ALK: variants seen among roughly 807,000 people sequenced by gnomAD.
ALK encodes the protein ALK tyrosine kinase receptor.
In ALK, 74 loss-of-function variants were observed where a neutral mutation model predicts 163.1. The observed-to-expected ratio is 0.45, with a 90% CI of 0.38 to 0.55. The LOEUF is 0.55. ALK is among the 20% of genes least tolerant of loss of function. The pLI is 0.00. For missense variants in ALK, 2,063 were observed against 2,105.3 expected (o/e 0.98, Z 0.39); for synonymous variants, 960 against 843.2 (o/e 1.14, Z -2.40).
intron 4 of ALK, among the ~76,000 whole-genome samples, chr2:29,470,244 G>A (rs76025233): frequency 1.3e-3 from 196 of 152,216 alleles, no homozygotes; most frequent in African/African-American, 4.5e-3. Context: ...CAAGAGACAC[G>A]TGAGTCACAA....
chr2:29,251,039 A>AG, intron 12 of ALK, 66 bp downstream of exon 12: 1 of 1,549,984 alleles, frequency 6.5e-7, no homozygotes, highest in Non-Finnish European at 8.8e-7. Flanking sequence ...ATGCACCCAT[A>AG]GGCAAGACTC....
At chr2:29,833,259 A>G (rs1004675791) in intron 1 of ALK, among the ~76,000 whole-genome samples, 2 of 152,102 alleles carry the variant, frequency 1.3e-5, no homozygotes, top group Admixed American at 6.6e-5. Context: ...CTGTGTCTCT[A>G]TTTTCCTCCA....
intron 8 of ALK, 50 bp from the exon 9 acceptor site, chr2:29,297,107 C>T (rs1237551520): frequency 6.2e-7 from 1 of 1,608,582 alleles, no homozygotes; most frequent in African/African-American, 1.3e-5. Flanking sequence ...CTGAAAGGTC[C>T]CCTTTCTGGA....
At chr2:29,203,512 T>TTTTTTTTTTTG (rs869138004) in intron 26 of ALK, among the ~76,000 whole-genome samples, 2 of 127,626 alleles carry the variant, frequency 1.6e-5, no homozygotes, top group Admixed American at 8.1e-5. Flanking sequence ...TTTTTTTTTT[T>TTTTTTTTTTTG]GTGAGACAGA....
intron 1 of ALK, among the ~76,000 whole-genome samples, chr2:29,774,808 A>G (rs188575001): frequency 1.7e-3 from 264 of 152,344 alleles, no homozygotes; most frequent in African/African-American, 6.2e-3. Flanking sequence ...TTGAGTACAT[A>G]TGACTTCTTT....
intron 9 of ALK, among the ~76,000 whole-genome samples, chr2:29,281,876 C>T (rs901330498): frequency 6.6e-6 from 1 of 152,236 alleles, no homozygotes; most frequent in Non-Finnish European, 1.5e-5. Context: ...ATTCAGGCAA[C>T]AGACTGTTAA....
chr2:29,553,877 T>G (rs994796282), intron 3 of ALK, among the ~76,000 whole-genome samples: 14 of 152,238 alleles, frequency 9.2e-5, no homozygotes, highest in African/African-American at 3.4e-4. Context: ...CTGTTTTTTT[T>G]GTTCAGTTAT....
At chr2:29,478,662 T>C (rs1011090361) in intron 4 of ALK, among the ~76,000 whole-genome samples, 5 of 152,232 alleles carry the variant, frequency 3.3e-5, no homozygotes, top group African/African-American at 1.2e-4. Flanking sequence ...GATTGAGGAT[T>C]GATGCCGATC....
chr2:29,216,930 G>GTGTGTGT (rs1553393091), intron 23 of ALK, among the ~76,000 whole-genome samples: 6 of 131,470 alleles, frequency 4.6e-5, no homozygotes, highest in Admixed American at 8.6e-5. Flanking sequence ...TATGGTGTGT[G>GTGTGTGT]GGGGGTGTGT....
intron 3 of ALK, among the ~76,000 whole-genome samples, chr2:29,592,700 A>G (rs1675095832): frequency 6.6e-6 from 1 of 152,204 alleles, no homozygotes; most frequent in Non-Finnish European, 1.5e-5. Context: ...AACCGCTGGT[A>G]CCTGCAAGGG....
At chr2:29,628,483 C>T (rs975722310) in intron 3 of ALK, among the ~76,000 whole-genome samples, 28 of 152,164 alleles carry the variant, frequency 1.8e-4, no homozygotes, top group African/African-American at 5.8e-4. Context: ...AACTTACGAG[C>T]TGGAGGGACC....
intron 1 of ALK, among the ~76,000 whole-genome samples, chr2:29,872,898 C>A (rs1296973263): frequency 6.6e-6 from 1 of 152,258 alleles, no homozygotes; most frequent in East Asian, 1.9e-4. Context: ...CTCTGTCCCA[C>A]TGCCCAAAGA....
intron 3 of ALK, among the ~76,000 whole-genome samples, chr2:29,626,156 G>A (rs1676188504): frequency 6.6e-6 from 1 of 152,096 alleles, no homozygotes; most frequent in African/African-American, 2.4e-5. Context: ...CCTATGTGAT[G>A]GTATTTGGAG....
intron 1 of ALK, among the ~76,000 whole-genome samples, chr2:29,814,510 A>G (rs1664844638): frequency 6.6e-6 from 1 of 151,994 alleles, no homozygotes; most frequent in Admixed American, 6.6e-5. Flanking sequence ...AATACAAAAA[A>G]TTAGCTGGGC....
chr2:29,208,459 T>C (rs1162819962), intron 25 of ALK, among the ~76,000 whole-genome samples: 2 of 152,074 alleles, frequency 1.3e-5, no homozygotes, highest in African/African-American at 4.8e-5. Flanking sequence ...TGAGAGGCAG[T>C]CCCAGGGTAT....
chr2:29,494,843 C>CGTGTGTGT (rs35306598), intron 4 of ALK, among the ~76,000 whole-genome samples: 8,633 of 147,250 alleles, frequency 0.059, 246 homozygotes, highest in African/African-American at 0.067. Flanking sequence ...TTTAGAGACT[C>CGTGTGTGT]GTGTGTGTGT....
At chr2:29,674,541 G>T (rs1677813595) in intron 3 of ALK, among the ~76,000 whole-genome samples, 1 of 150,246 alleles carries the variant, frequency 6.7e-6, no homozygotes, top group South Asian at 2.2e-4. Context: ...GATCATGGTG[G>T]ATAAGCTTTT....
chr2:29,920,343 G>C lies in ALK; in HGVS notation c.317C>G (p.Pro106Arg), dbSNP rs1037485859. 2 of 1,551,264 alleles carry C rather than the reference G, an allele frequency of 1.3e-6. No individual in the cohort carries two copies. Among genetic ancestry groups the C allele is most frequent in the Admixed American group, 3.9e-5 (2 of 51,368 alleles). Residue 106 changes from proline (P) to arginine (R), a missense_variant, in exon 1 of 29, where the codon CCG becomes CGG. Pro to Arg is a moderately radical substitution (Grantham distance 103, BLOSUM62 -2). Coordinates refer to ENST00000389048, the MANE Select transcript of ALK (RefSeq NM_004304.5). The stretch of plus-strand genomic sequence containing the variant: ...TGAACCGGCGGTCCAGGAGACCCCC[G>C]GCGCCGGCCCCAGCAACCTGAGCAG... ...APLLRLLGPAPGVSWTAGSPA... is the reference protein window; with the variant it reads ...APLLRLLGPARGVSWTAGSPA...
chr2:29,387,037 C>T (rs1220743669), intron 4 of ALK, among the ~76,000 whole-genome samples: 1 of 152,186 alleles, frequency 6.6e-6, no homozygotes, highest in Non-Finnish European at 1.5e-5. Context: ...CCTAGAGCCT[C>T]CTGGAGACAA....
Sources: allele counts gnomAD v4.1 joint callset (sites outside exome capture counted in the v4.1 genomes callset), GRCh38; gene constraint gnomAD v4.1.1; transcripts MANE v1.5; gene names NCBI Gene and HGNC (gene_info 2026-07-23, HGNC 2026-07-21).